EGFL6: variants seen among roughly 807,000 people sequenced by gnomAD.
EGFL6 encodes the protein EGF like domain multiple 6, also known as epidermal growth factor-like protein 6.
EGFL6 carries 42 observed loss-of-function variants against 43.1 expected under a neutral mutation model. That is an observed-to-expected ratio of 0.98 (90% confidence interval 0.76 to 1.26). EGFL6 has a LOEUF of 1.26. Ranked by LOEUF, EGFL6 falls within the 50% of genes most tolerant of loss-of-function variation. EGFL6 has a pLI of 0.00. For missense variants in EGFL6, 429 were observed against 427.8 expected, an observed-to-expected ratio of 1.00 and a Z score of -0.02; for synonymous variants, 164 against 163.2, an observed-to-expected ratio of 1.01 and a Z score of -0.04.
Position 13,591,492 on chromosome X carries a change from T to C in EGFL6, c.187+1824T>C, listed in dbSNP as rs761378479. Among the ~76,000 whole-genome samples, 32 of 112,354 alleles carry C rather than the reference T, an allele frequency of 2.8e-4. No homozygotes were observed. The South Asian group carries it at 0.012, about 42-fold the overall frequency. ...TCAGGTCTTAAATTGCAATGATTTTTAGATCTAAAATGTGTATCATGTTTT... is the reference window on the plus strand; with the variant it reads ...TCAGGTCTTAAATTGCAATGATTTTCAGATCTAAAATGTGTATCATGTTTT... On this transcript the variant is annotated intron_variant, in intron 2 of 11. Coordinates refer to ENST00000361306, the MANE Select transcript of EGFL6 (RefSeq NM_015507.4).
rs935935739 is a variant in EGFL6, at chrX:13,576,174, C to T, written c.74+6239C>T. Among the ~76,000 whole-genome samples the T allele has an allele frequency of 2.7e-5, 3 of 112,403 alleles. No individual in the cohort carries two copies. The East Asian group carries it at 8.3e-4, about 31-fold the overall frequency. On this transcript the variant is annotated intron_variant, in intron 1 of 11. Transcript: ENST00000361306. ...GGCTTTACAGGAAGCATAGTGGCTT[C>T]TGCCTCTGGTGAGGCCTCAGGAAGC...
At position 13,617,816 on chromosome X, in the gene EGFL6, A is replaced by G; in HGVS notation, c.865A>G (p.Ser289Gly). The change falls in exon 8 of 12, where the codon AGC becomes GGC. Residue 289 changes from serine (S) to glycine (G), a missense_variant. Coordinates refer to ENST00000361306, the MANE Select transcript of EGFL6 (RefSeq NM_015507.4). The part of the protein sequence containing the change: ...RIKKLLAHKN[S>G]MKKKAKIKNV... ...CAAGAAGTTGCTTGCTCACAAAAAC[A>G]GCATGAAAAAGAAGGCAAAAATTAA... The G allele has an allele frequency of 8.3e-7, 1 of 1,211,591 alleles. No homozygotes were observed. The highest frequency in any genetic ancestry group is 1.1e-6 in the Non-Finnish European group (1 of 895,306).
intron 5 of EGFL6, among the ~76,000 whole-genome samples, chrX:13,604,344 C>A (rs2045649009): frequency 9.0e-6 from 1 of 111,280 alleles, no homozygotes; most frequent in Non-Finnish European, 1.9e-5. Context: ...GAGCTGGGGG[C>A]ACCTCTGGGA....
chrX:13,589,674 T>G lies in EGFL6; in HGVS notation c.187+6T>G. The G allele has an allele frequency of 8.3e-7, 1 of 1,202,419 alleles. No individual in the cohort carries two copies. Among genetic ancestry groups the G allele is most frequent in the African/African-American group, 1.7e-5 (1 of 57,503 alleles). Reference sequence around the variant, plus strand: ...CAGCAAGGGAGTCTGTGAAGGTAATTTTGTAAAAACTCAGACCCTGCACTT... The same window carrying G: ...CAGCAAGGGAGTCTGTGAAGGTAATGTTGTAAAAACTCAGACCCTGCACTT... On this transcript the variant is annotated splice_donor_region_variant and intron_variant, in intron 2 of 11. Transcript: ENST00000361306.
At chrX:13,589,104 A>G (rs1194981968) in intron 1 of EGFL6, among the ~76,000 whole-genome samples, 1 of 111,207 alleles carries the variant, frequency 9.0e-6, no homozygotes, top group Non-Finnish European at 1.9e-5. Context: ...AGCCCTTCCA[A>G]CTCTTAATCA....
chrX:13,575,400 A>C (rs372711711), intron 1 of EGFL6, among the ~76,000 whole-genome samples: 2 of 112,015 alleles, frequency 1.8e-5, no homozygotes, highest in South Asian at 3.8e-4. Context: ...ATTCTGTCTC[A>C]AAAAACAAGC....
At chrX:13,598,244 A>G (rs1332849983) in intron 3 of EGFL6, among the ~76,000 whole-genome samples, 1 of 112,309 alleles carries the variant, frequency 8.9e-6, no homozygotes, top group African/African-American at 3.2e-5. Flanking sequence ...GGGAGATGGT[A>G]GGGTAAAGGG....
chrX:13,621,451 G>C (rs984176642), intron 9 of EGFL6, among the ~76,000 whole-genome samples: 1 of 112,096 alleles, frequency 8.9e-6, no homozygotes, highest in African/African-American at 3.2e-5. Flanking sequence ...ATGAAAGCAA[G>C]GAAGGGCACC....
intron 11 of EGFL6, among the ~76,000 whole-genome samples, chrX:13,628,283 TAAAGGA>T (rs1183360514): frequency 1.8e-5 from 2 of 110,243 alleles, no homozygotes; most frequent in African/African-American, 6.6e-5. Context: ...GTGGGTTTAA[TAAAGGA>T]AAAGGAAACA....
At chrX:13,581,800 G>A (rs1203493798) in intron 1 of EGFL6, among the ~76,000 whole-genome samples, 19 of 112,165 alleles carry the variant, frequency 1.7e-4, no homozygotes, top group Non-Finnish European at 3.6e-4. Context: ...GCTGTATAAT[G>A]CATTAAAGAA....
At chrX:13,576,092 T>A (rs1246418658) in intron 1 of EGFL6, among the ~76,000 whole-genome samples, 1 of 111,851 alleles carries the variant, frequency 8.9e-6, no homozygotes, top group Non-Finnish European at 1.9e-5. Context: ...TATAAAGAAA[T>A]ACCTGAGACT....
chrX:13,587,555 C>T (rs1482830636), intron 1 of EGFL6, among the ~76,000 whole-genome samples: 1 of 111,589 alleles, frequency 9.0e-6, no homozygotes, highest in African/African-American at 3.3e-5. Context: ...CTGTAGTCAC[C>T]CTGCTGTGCT....
intron 1 of EGFL6, among the ~76,000 whole-genome samples, chrX:13,580,581 G>A (rs758736137): frequency 2.5e-4 from 28 of 111,406 alleles, no homozygotes; most frequent in African/African-American, 9.1e-4. Context: ...TACAAACCAT[G>A]TCTCAAGTCC....
chrX:13,594,786 C>G, intron 2 of EGFL6, 50 bp from the exon 3 acceptor site: 1 of 1,140,685 alleles, frequency 8.8e-7, no homozygotes, highest in Non-Finnish European at 1.2e-6. Flanking sequence ...GTGCATTTCA[C>G]TACACTAACT....
At chrX:13,621,175 C>T (rs2045746475) in intron 9 of EGFL6, among the ~76,000 whole-genome samples, 1 of 112,364 alleles carries the variant, frequency 8.9e-6, no homozygotes, top group Non-Finnish European at 1.9e-5. Flanking sequence ...GGAAGATGAT[C>T]CCAGGAAATG....
chrX:13,603,487 C>G (rs2045645213), intron 5 of EGFL6, 51 bp downstream of exon 5: 2 of 1,120,677 alleles, frequency 1.8e-6, no homozygotes, highest in African/African-American at 3.7e-5. Context: ...CTTGACTCCC[C>G]TTTTACTGAA....
At chrX:13,608,267 T>A in intron 6 of EGFL6, 57 bp from the exon 7 acceptor site, 1 of 1,191,171 alleles carries the variant, frequency 8.4e-7, no homozygotes. Flanking sequence ...AGTGTAAGGG[T>A]GAGTCTTTCA....
chrX:13,604,662 A>G (rs982607184), intron 5 of EGFL6, among the ~76,000 whole-genome samples: 1 of 112,214 alleles, frequency 8.9e-6, no homozygotes, highest in Non-Finnish European at 1.9e-5. Context: ...TCAACCATCA[A>G]ATTGCCATCA....
chrX:13,624,108 A>G (rs2045765805), intron 10 of EGFL6, among the ~76,000 whole-genome samples, 183 bp downstream of exon 10: 1 of 110,787 alleles, frequency 9.0e-6, no homozygotes, highest in Non-Finnish European at 1.9e-5. Flanking sequence ...ATATTCTCCT[A>G]CTTAATCCCT....
Sources: gnomAD v4.1 joint callset for allele counts (sites outside exome capture counted in the v4.1 genomes callset) on GRCh38, gnomAD v4.1.1 for gene constraint, MANE v1.5 for transcripts, NCBI Gene and HGNC (gene_info 2026-07-23, HGNC 2026-07-21) for gene names.